Variants in DTNB observed in about 807,000 individuals in gnomAD.
The protein encoded by DTNB is dystrobrevin beta.
DTNB carries 63 observed loss-of-function variants against 90.7 expected under a neutral mutation model. The observed-to-expected ratio is 0.69, with a 90% confidence interval of 0.57 to 0.86. The LOEUF (loss-of-function observed/expected upper bound fraction) is 0.86. Ranked by LOEUF, DTNB falls within the 40% of genes least tolerant of loss-of-function variation. The probability of loss-of-function intolerance (pLI) is 0.00; values close to 1 mark genes in which losing one functional copy is unlikely to be tolerated. For synonymous variants in DTNB, 277 were observed against 286.7 expected, an observed-to-expected ratio of 0.97 and a Z score of 0.34; for missense variants, 744 against 807.1, an observed-to-expected ratio of 0.92 and a Z score of 0.95.
At chr2:25,626,837 A>G (rs1165689738) in intron 4 of DTNB, among the ~76,000 whole-genome samples, 1 of 152,220 alleles carries the variant, frequency 6.6e-6, no homozygotes, top group Non-Finnish European at 1.5e-5. Context: ...AGCAGAGACA[A>G]TCCATTCAAA....
At chr2:25,634,368 G>A (rs1320400777) in intron 3 of DTNB, among the ~76,000 whole-genome samples, 1 of 133,880 alleles carries the variant, frequency 7.5e-6, no homozygotes, top group African/African-American at 2.7e-5. Flanking sequence ...CAGCCGCCCC[G>A]TCCGGGAGGG....
Position 25,405,208 on chromosome 2 carries a change from G to A in DTNB, c.1575+14307C>T, listed in dbSNP as rs529170539. Among the ~76,000 whole-genome samples the A allele has an allele frequency of 4.6e-5, 7 of 152,208 alleles. No homozygotes were observed. In the South Asian group the frequency reaches 6.2e-4, roughly 14 times the overall value. On this transcript the variant is annotated intron_variant, in intron 16 of 20. Transcript: ENST00000406818. ...TTCTCAAAGTGCTGGGATTATAGGC[G>A]TGAGCTACCATGCCTGGCCCGACTA... is the stretch of plus-strand genomic sequence containing the variant.
intron 3 of DTNB, among the ~76,000 whole-genome samples, chr2:25,631,955 G>C (rs1413512256): frequency 6.6e-6 from 1 of 152,174 alleles, no homozygotes; most frequent in African/African-American, 2.4e-5. Context: ...AGCACTTTGG[G>C]AGGCCGAGGT....
chr2:25,502,061 G>A (rs2070853058), intron 9 of DTNB, among the ~76,000 whole-genome samples: 1 of 152,112 alleles, frequency 6.6e-6, no homozygotes, highest in Non-Finnish European at 1.5e-5. Flanking sequence ...GTGTACACCT[G>A]TGGTCTCAGC....
intron 8 of DTNB, among the ~76,000 whole-genome samples, chr2:25,574,076 C>T (rs974516046): frequency 1.3e-5 from 2 of 152,154 alleles, no homozygotes; most frequent in Admixed American, 1.3e-4. Context: ...TGTTCGCATT[C>T]CACTGGCAAG....
At chr2:25,518,314 G>A (rs771327850) in intron 9 of DTNB, among the ~76,000 whole-genome samples, 13 of 152,164 alleles carry the variant, frequency 8.5e-5, no homozygotes, top group Non-Finnish European at 1.6e-4. Flanking sequence ...GGCAAACAGG[G>A]TGAGAAAATC....
intron 2 of DTNB, among the ~76,000 whole-genome samples, chr2:25,644,290 T>G (rs1445593559): frequency 6.6e-6 from 1 of 152,172 alleles, no homozygotes; most frequent in Admixed American, 6.5e-5. Context: ...TCGGGACCCC[T>G]TTCCTGTAAC....
chr2:25,465,202 C>T (rs913533293), intron 10 of DTNB, among the ~76,000 whole-genome samples: 5 of 152,154 alleles, frequency 3.3e-5, no homozygotes, highest in East Asian at 1.9e-4. Context: ...CAGTGAAACC[C>T]TGTCTCTACT....
At chr2:25,649,919 G>A (rs773249455) in intron 2 of DTNB, 5 of 687,072 alleles carry the variant, frequency 7.3e-6, no homozygotes, top group South Asian at 1.3e-4. Context: ...TCTGGTTGAC[G>A]TTGCTGGAAA....
chr2:25,504,489 AGAAAGAAG>A (rs566807295), intron 9 of DTNB, among the ~76,000 whole-genome samples: 7 of 151,174 alleles, frequency 4.6e-5, no homozygotes, highest in African/African-American at 7.3e-5. Flanking sequence ...AGGAAAGACA[AGAAAGAAG>A]GAAAGAAGGA....
chr2:25,454,312 T>G (rs1249536920), intron 11 of DTNB, among the ~76,000 whole-genome samples: 1 of 152,094 alleles, frequency 6.6e-6, no homozygotes, highest in Non-Finnish European at 1.5e-5. Flanking sequence ...CCCAACTGAC[T>G]ATTAATTTAT....
chr2:25,468,017 C>A (rs1337033369), intron 10 of DTNB, among the ~76,000 whole-genome samples: 4 of 152,038 alleles, frequency 2.6e-5, no homozygotes, highest in Non-Finnish European at 5.9e-5. Flanking sequence ...CATGTGGTGG[C>A]TGGGAAGTGT....
At chr2:25,471,462 A>C (rs1166051272) in intron 10 of DTNB, among the ~76,000 whole-genome samples, 2 of 150,372 alleles carry the variant, frequency 1.3e-5, no homozygotes, top group African/African-American at 4.9e-5. Context: ...GCCCAATCTC[A>C]ATTGCTCACT....
rs141266131 is a variant in DTNB, at chr2:25,542,754, G to A, written c.877-11157C>T. ...TCTTGAATCGGTTTTGGTAAGCAACGCTGTTTTAGAAATTTGTTAATTTCA... is the reference window on the plus strand; with the variant it reads ...TCTTGAATCGGTTTTGGTAAGCAACACTGTTTTAGAAATTTGTTAATTTCA... On this transcript the variant is annotated intron_variant, in intron 8 of 20. Transcript: ENST00000406818. 4.3e-3 allele frequency among the ~76,000 whole-genome samples: 652 copies of A among 152,056 alleles called. 4 individuals are homozygous for A. Among genetic ancestry groups the A allele is most frequent in the African/African-American group, 0.015 (611 of 41,484 alleles).
chr2:25,573,875 C>T (rs2060256339), intron 8 of DTNB, among the ~76,000 whole-genome samples: 2 of 152,162 alleles, frequency 1.3e-5, no homozygotes. Flanking sequence ...CTTATCATGC[C>T]TCCATCACAG....
Position 25,493,891 on chromosome 2 carries a change from TC to T in DTNB, c.1002-11019del, listed in dbSNP as rs139614479. ...AACATATTACAATATTTAGATCAAA[TC>T]CTATATGATGATAATTTATAACCAA... On this transcript the variant is annotated intron_variant, in intron 9 of 20. Coordinates refer to ENST00000406818, the MANE Select transcript of DTNB (RefSeq NM_021907.5). Among the ~76,000 whole-genome samples, 309 of 152,304 alleles carry T rather than the reference TC, an allele frequency of 2.0e-3. 1 individual carries two copies. The highest frequency in any genetic ancestry group is 7.0e-3 in the African/African-American group (289 of 41,562).
intron 16 of DTNB, among the ~76,000 whole-genome samples, chr2:25,415,244 CTTTT>C (rs34257264): frequency 4.9e-5 from 6 of 123,514 alleles, no homozygotes; most frequent in Non-Finnish European, 6.8e-5. Context: ...ATAAGAGCTT[CTTTT>C]TTTTTTTTTT....
intron 10 of DTNB, among the ~76,000 whole-genome samples, chr2:25,477,847 G>C (rs1242024678): frequency 6.6e-6 from 1 of 152,038 alleles, no homozygotes; most frequent in Non-Finnish European, 1.5e-5. Context: ...TGCGTTTCCA[G>C]AGCGTTCTAA....
chr2:25,452,930 A>G (rs888339934), intron 11 of DTNB, among the ~76,000 whole-genome samples: 5 of 152,168 alleles, frequency 3.3e-5, no homozygotes, highest in African/African-American at 9.7e-5. Flanking sequence ...ATAAGAACAG[A>G]CTACTATTAG....
Sources: gnomAD v4.1 joint callset for allele counts (sites outside exome capture counted in the v4.1 genomes callset) on GRCh38, gnomAD v4.1.1 for gene constraint, MANE v1.5 for transcripts, NCBI Gene and HGNC (gene_info 2026-07-23, HGNC 2026-07-21) for gene names.